FNDC1: variants seen among roughly 807,000 people sequenced by gnomAD.
FNDC1 encodes the protein fibronectin type III domain-containing protein 1.
FNDC1 carries 96 observed loss-of-function variants against 168.0 expected under a neutral mutation model. The ratio of observed to expected loss-of-function variants is 0.57; its 90% CI spans 0.48 to 0.68. The LOEUF is 0.68. FNDC1 is among the 30% of genes least tolerant of loss of function. The pLI is 0.00. For synonymous variants in FNDC1, 1,099 were observed against 1,025.9 expected (o/e 1.07, Z -1.36); for missense variants, 2,587 against 2,482.1 (o/e 1.04, Z -0.90).
rs192831500 is a variant in FNDC1, at chr6:159,204,423, T to C, written c.460+3842T>C. Among the ~76,000 whole-genome samples the C allele has an allele frequency of 8.5e-5, 13 of 152,316 alleles. No homozygotes were observed. The East Asian group carries it at 2.5e-3, about 29-fold the overall frequency. ...CTAGACTCCTGGAATCCCCATCTGA[T>C]CACCATCATCTCACTTCCTCAACAC... On this transcript the variant is annotated intron_variant, in intron 4 of 22. Coordinates refer to ENST00000297267, the MANE Select transcript of FNDC1 (RefSeq NM_032532.3).
intron 1 of FNDC1, among the ~76,000 whole-genome samples, chr6:159,195,970 A>G (rs1782234262): frequency 6.6e-6 from 1 of 152,208 alleles, no homozygotes; most frequent in Admixed American, 6.5e-5. Flanking sequence ...TTGCTTCTAC[A>G]CACCTTTTAG....
chr6:159,245,698 C>T (rs1407566539), intron 14 of FNDC1, among the ~76,000 whole-genome samples: 8 of 152,106 alleles, frequency 5.3e-5, no homozygotes, highest in Non-Finnish European at 8.8e-5. Flanking sequence ...TTAAATCACT[C>T]ATATGTTACT....
chr6:159,208,441 A>G (rs1782531185), intron 4 of FNDC1, among the ~76,000 whole-genome samples: 1 of 152,218 alleles, frequency 6.6e-6, no homozygotes, highest in South Asian at 2.1e-4. Context: ...TATCCATGCA[A>G]GCAACTGTAG....
At chr6:159,215,957 A>G (rs1267974814) in intron 5 of FNDC1, among the ~76,000 whole-genome samples, 2 of 151,646 alleles carry the variant, frequency 1.3e-5, no homozygotes, top group Non-Finnish European at 2.9e-5. Flanking sequence ...CCCAGGGTCA[A>G]TACATTGTAT....
At position 159,251,417 on chromosome 6, in the gene FNDC1, G is replaced by A; in HGVS notation, c.4950G>A (p.Lys1650=). ...LDEIIPNDLK[K]SDLPPQHAPR... ...AAATCATCCCCAATGACCTGAAGAA[G>A]AGTGACCTGCCTCCCCAGCATGCTC... The change falls in exon 17 of 23, where the codon AAG becomes AAA. Residue 1650 remains lysine (K), a synonymous_variant. Transcript: ENST00000297267. The A allele has an allele frequency of 6.2e-7, 1 of 1,613,946 alleles. No individual in the cohort carries two copies. Among genetic ancestry groups the A allele is most frequent in the Middle Eastern group, 1.6e-4 (1 of 6,062 alleles).
chr6:159,223,486 T>G, intron 6 of FNDC1, 42 bp from the exon 7 acceptor site: 1 of 1,324,972 alleles, frequency 7.5e-7, no homozygotes, highest in Non-Finnish European at 1.1e-6. Flanking sequence ...GCAGAACCTG[T>G]TGTGAGAGAA....
At chr6:159,183,636 G>C (rs2114927307) in intron 1 of FNDC1, among the ~76,000 whole-genome samples, 1 of 152,310 alleles carries the variant, frequency 6.6e-6, no homozygotes, top group South Asian at 2.1e-4. Context: ...CTACCATTTA[G>C]AGTTCTGGCA....
chr6:159,218,127 A>G (rs1298044024), intron 5 of FNDC1, among the ~76,000 whole-genome samples: 1 of 152,202 alleles, frequency 6.6e-6, no homozygotes, highest in Non-Finnish European at 1.5e-5. Context: ...CGGGAACGGC[A>G]CACACTAAAG....
In FNDC1 at chr6:159,221,593, C is replaced by T; in HGVS notation, c.668-5C>T. 1 of 1,613,174 alleles carries T rather than the reference C, an allele frequency of 6.2e-7. No individual in the cohort carries two copies. Among genetic ancestry groups the T allele is most frequent in the Non-Finnish European group, 8.5e-7 (1 of 1,179,138 alleles). ...GAATCTCATCCCTCACTCCCTGGTCCACAGCCTCGGAATCCGTGTATGTGG... is the reference window on the plus strand; with the variant it reads ...GAATCTCATCCCTCACTCCCTGGTCTACAGCCTCGGAATCCGTGTATGTGG... On this transcript the variant is annotated splice_region_variant and splice_polypyrimidine_tract_variant and intron_variant, in intron 5 of 22. Transcript: ENST00000297267.
intron 14 of FNDC1, among the ~76,000 whole-genome samples, chr6:159,243,013 A>G (rs772519461): frequency 3.9e-5 from 6 of 152,108 alleles, no homozygotes; most frequent in Non-Finnish European, 7.4e-5. Context: ...GTTTTGTTCT[A>G]CTTGATCTGA....
Position 159,238,346 on chromosome 6 carries a change from A to G in FNDC1, c.4069-208A>G, listed in dbSNP as rs187290264. ...GTGATCTGCCCGCTTCGGCCTCCCA[A>G]AGTGCTGGGATTACAAGCGTGAGCC... On this transcript the variant is annotated intron_variant, in intron 12 of 22. Coordinates refer to ENST00000297267, the MANE Select transcript of FNDC1 (RefSeq NM_032532.3). Among the ~76,000 whole-genome samples the G allele has an allele frequency of 5.3e-3, 809 of 152,112 alleles. 4 individuals are homozygous for G. Among genetic ancestry groups the G allele is most frequent in the Middle Eastern group, 0.027 (8 of 294 alleles).
In FNDC1 at chr6:159,205,059, A is replaced by G. The variant is rs145636755; in HGVS notation, c.460+4478A>G. 3.7e-3 allele frequency among the ~76,000 whole-genome samples: 567 copies of G among 152,164 alleles called. 4 individuals carry two copies. The highest frequency in any genetic ancestry group is 0.013 in the African/African-American group (543 of 41,502). On this transcript the variant is annotated intron_variant, in intron 4 of 22. Transcript: ENST00000297267. ...TGTTGTCACCTTCTCTTTAAGGCTG[A>G]CTTCATCTACATCAGTTTCTTGGAA...
intron 8 of FNDC1, 57 bp downstream of exon 8, chr6:159,225,779 AT>A (rs1379608212): frequency 1.4e-5 from 20 of 1,460,568 alleles, no homozygotes; most frequent in African/African-American, 2.8e-5. Flanking sequence ...CCAAAATAAG[AT>A]TTAAAGACAA....
intron 1 of FNDC1, among the ~76,000 whole-genome samples, chr6:159,196,786 T>C (rs1782248708): frequency 6.6e-6 from 1 of 152,228 alleles, no homozygotes; most frequent in Non-Finnish European, 1.5e-5. Flanking sequence ...GTGAATTTCT[T>C]TGGAACCTCA....
Position 159,256,541 on chromosome 6 carries a change from C to G in FNDC1, c.5084C>G (p.Ala1695Gly), listed in dbSNP as rs1251536622. The G allele has an allele frequency of 6.2e-7, 1 of 1,613,120 alleles. No homozygotes were observed. Among genetic ancestry groups the G allele is most frequent in the East Asian group, 2.2e-5 (1 of 44,868 alleles). Residue 1695 changes from alanine to glycine, a missense_variant, in exon 18 of 23, where the codon GCA becomes GGA. By Grantham distance (60) the Ala-to-Gly change is moderately conservative. Coordinates refer to ENST00000297267, the MANE Select transcript of FNDC1 (RefSeq NM_032532.3). ...TTTTCAGGTTACTTGGTTTACAGTG[C>G]ATCCTATGAAGACTTCATCAGGAAC... Reference protein sequence around the residue: ...DVVTGYLVYSASYEDFIRNKW... With the variant: ...DVVTGYLVYSGSYEDFIRNKW...
At chr6:159,268,821 C>CATTTATCTATCT (rs200940694) in intron 22 of FNDC1, among the ~76,000 whole-genome samples, 4 of 146,058 alleles carry the variant, frequency 2.7e-5, no homozygotes, top group African/African-American at 5.1e-5. Context: ...TCTATCTATT[C>CATTTATCTATCT]ATCTATCTAT....
At chr6:159,228,620 A>C (rs937915869) in intron 9 of FNDC1, among the ~76,000 whole-genome samples, 1 of 152,054 alleles carries the variant, frequency 6.6e-6, no homozygotes, top group Non-Finnish European at 1.5e-5. Context: ...GCTCCTGATA[A>C]TTCTTGAATT....
At chr6:159,213,676 CTGGACTATACTTT>C (rs1782651479) in intron 4 of FNDC1, among the ~76,000 whole-genome samples, 1 of 149,716 alleles carries the variant, frequency 6.7e-6, no homozygotes. Context: ...GCTCATTTTA[CTGGACTATACTTT>C]TGGACTAAAA....
At chr6:159,189,670 T>G (rs1034475227) in intron 1 of FNDC1, among the ~76,000 whole-genome samples, 1 of 152,226 alleles carries the variant, frequency 6.6e-6, no homozygotes, top group Non-Finnish European at 1.5e-5. Context: ...GGAAAGACTC[T>G]TCCCTGGCTG....
Sources: allele counts gnomAD v4.1 joint callset (sites outside exome capture counted in the v4.1 genomes callset), GRCh38; gene constraint gnomAD v4.1.1; transcripts MANE v1.5; gene names NCBI Gene and HGNC (gene_info 2026-07-23, HGNC 2026-07-21).